The following RIMS1 variants were observed in gnomAD, a reference collection of about 807,000 sequenced individuals.
The protein encoded by RIMS1 is regulating synaptic membrane exocytosis protein 1.
RIMS1 carries 83 observed loss-of-function variants against 214.1 expected under a neutral mutation model. The observed-to-expected ratio is 0.39, with a 90% CI of 0.32 to 0.47. RIMS1 has a LOEUF of 0.47. RIMS1 is among the 20% of genes least tolerant of loss of function. The pLI, the probability that RIMS1 is intolerant of heterozygous loss-of-function variation, is 0.99. For synonymous variants in RIMS1, 793 were observed against 786.8 expected, an observed-to-expected ratio of 1.01 and a Z score of -0.13; for missense variants, 2,050 against 2,161.8, an observed-to-expected ratio of 0.95 and a Z score of 1.03.
intron 2 of RIMS1, among the ~76,000 whole-genome samples, chr6:71,997,641 T>A (rs1803866145): frequency 6.6e-6 from 1 of 152,162 alleles, no homozygotes; most frequent in South Asian, 2.1e-4. Context: ...GCAAGTTAGA[T>A]GCGTGTTCTA....
At chr6:72,078,096 A>G (rs1449706191) in intron 2 of RIMS1, among the ~76,000 whole-genome samples, 5 of 152,216 alleles carry the variant, frequency 3.3e-5, no homozygotes, top group Non-Finnish European at 7.3e-5. Context: ...TAAAAACTAT[A>G]ATAATCCATG....
chr6:71,916,932 A>G (rs1778604060), intron 1 of RIMS1, among the ~76,000 whole-genome samples: 1 of 152,260 alleles, frequency 6.6e-6, no homozygotes, highest in African/African-American at 2.4e-5. Context: ...TACAGTAATG[A>G]CAGCCAATGT....
rs551864301 is a variant in RIMS1 at position 72,303,279 on chromosome 6, G to A, written c.3851-3979G>A. ...TAAGGATTTTTGAGGGTTTTTTAAAGTCATAGGCCTTTTAATAATATGAAA... is the reference window on the plus strand; with the variant it reads ...TAAGGATTTTTGAGGGTTTTTTAAAATCATAGGCCTTTTAATAATATGAAA... On this transcript the variant is annotated intron_variant, in intron 26 of 33. Coordinates refer to ENST00000521978, the MANE Select transcript of RIMS1 (RefSeq NM_014989.7). Among the ~76,000 whole-genome samples the A allele has an allele frequency of 3.1e-4, 46 of 150,754 alleles. No individual in the cohort carries two copies. The South Asian group carries it at 3.1e-3, about 10-fold the overall frequency.
intron 6 of RIMS1, among the ~76,000 whole-genome samples, chr6:72,220,582 T>C (rs1402630230): frequency 6.6e-6 from 1 of 151,998 alleles, no homozygotes; most frequent in Non-Finnish European, 1.5e-5. Context: ...TTGCTCTTGC[T>C]AAAAAAACAA....
At chr6:72,120,061 C>T (rs1392272694) in intron 4 of RIMS1, among the ~76,000 whole-genome samples, 2 of 151,850 alleles carry the variant, frequency 1.3e-5, no homozygotes, top group Non-Finnish European at 2.9e-5. Context: ...CATTGATGGA[C>T]ATTTGGGTCG....
intron 2 of RIMS1, among the ~76,000 whole-genome samples, chr6:72,011,737 C>T (rs1810692072): frequency 1.3e-5 from 2 of 152,178 alleles, no homozygotes; most frequent in Non-Finnish European, 1.5e-5. Context: ...AAATGCTCAC[C>T]ATCACTGACC....
At chr6:71,980,782 G>A (rs1798293290) in intron 2 of RIMS1, among the ~76,000 whole-genome samples, 1 of 152,020 alleles carries the variant, frequency 6.6e-6, no homozygotes, top group Admixed American at 6.6e-5. Flanking sequence ...AGAAAAAATG[G>A]ATGAGAGAGA....
intron 4 of RIMS1, among the ~76,000 whole-genome samples, chr6:72,104,212 C>T (rs957321044): frequency 3.3e-5 from 5 of 152,130 alleles, no homozygotes; most frequent in Non-Finnish European, 7.4e-5. Context: ...GAAAAGACTG[C>T]TTTTTAAGCT....
At chr6:71,957,703 A>G (rs967182879) in intron 1 of RIMS1, among the ~76,000 whole-genome samples, 11 of 150,600 alleles carry the variant, frequency 7.3e-5, no homozygotes, top group Non-Finnish European at 1.2e-4. Context: ...TACAACCCTC[A>G]AGAACACTAA....
intron 4 of RIMS1, among the ~76,000 whole-genome samples, chr6:72,136,715 A>G (rs2153869558): frequency 6.6e-6 from 1 of 152,252 alleles, no homozygotes; most frequent in South Asian, 2.1e-4. Context: ...CTTAACACCA[A>G]AAAAATCTAA....
At chr6:71,932,612 C>T (rs757771900) in intron 1 of RIMS1, among the ~76,000 whole-genome samples, 2 of 152,026 alleles carry the variant, frequency 1.3e-5, no homozygotes, top group African/African-American at 4.8e-5. Context: ...TACACTTGTA[C>T]CCCTGAACTT....
chr6:71,904,972 G>A (rs982932178), intron 1 of RIMS1, among the ~76,000 whole-genome samples: 2 of 152,038 alleles, frequency 1.3e-5, no homozygotes, highest in African/African-American at 2.4e-5. Context: ...CTAATTTTTT[G>A]TAAATAAGAC....
intron 2 of RIMS1, among the ~76,000 whole-genome samples, chr6:71,981,946 T>A (rs946141685): frequency 1.3e-5 from 2 of 151,806 alleles, no homozygotes; most frequent in African/African-American, 4.8e-5. Flanking sequence ...ATTGCTTTTT[T>A]TTTTGGTTTG....
rs2048543339 is a variant in RIMS1, at chr6:72,182,713, G to GGCGGCAGCCAGGGCC, written c.1243_1257dup (p.Ala415_Ala419dup). 2.6e-6 allele frequency: 4 copies of GGCGGCAGCCAGGGCC among 1,514,512 alleles called. No homozygotes were observed. Among genetic ancestry groups the GGCGGCAGCCAGGGCC allele is most frequent in the Non-Finnish European group, 3.5e-6 (4 of 1,136,442 alleles). 93.8% of individuals were successfully genotyped at this position (1,514,512 alleles called of 1,614,324 possible). ...AGGGCAAGGCCGGCAAACGCGCGCCGGCGGCAGCCAGGGCCTCGCCGCCGG... is the reference window on the plus strand; with the variant it reads ...AGGGCAAGGCCGGCAAACGCGCGCCGGCGGCAGCCAGGGCCGCGGCAGCCAGGGCCTCGCCGCCGG... On this transcript the variant is annotated inframe_insertion, in exon 6 of 34. Coordinates refer to ENST00000521978, the MANE Select transcript of RIMS1 (RefSeq NM_014989.7).
chr6:72,106,237 G>A (rs1193236705), intron 4 of RIMS1, among the ~76,000 whole-genome samples: 4 of 152,016 alleles, frequency 2.6e-5, no homozygotes, highest in African/African-American at 9.7e-5. Context: ...AAATAATTTT[G>A]TGCATTTAAT....
intron 1 of RIMS1, among the ~76,000 whole-genome samples, chr6:71,927,327 G>T (rs1293542656): frequency 6.6e-6 from 1 of 151,980 alleles, no homozygotes; most frequent in Admixed American, 6.6e-5. Flanking sequence ...TTCTTACTTG[G>T]TACTGCACAA....
At chr6:72,257,077 C>G (rs2076165918) in intron 16 of RIMS1, among the ~76,000 whole-genome samples, 1 of 151,852 alleles carries the variant, frequency 6.6e-6, no homozygotes, top group Non-Finnish European at 1.5e-5. Flanking sequence ...CATGATGTTT[C>G]ATAACATATT....
chr6:72,030,931 A>C (rs1253844458), intron 2 of RIMS1, among the ~76,000 whole-genome samples: 2 of 152,150 alleles, frequency 1.3e-5, no homozygotes, highest in Non-Finnish European at 2.9e-5. Flanking sequence ...AGGAATTGAA[A>C]CATACTTTCT....
intron 17 of RIMS1, 115 bp downstream of exon 17, chr6:72,258,396 A>T (rs2076741185): frequency 1.7e-6 from 2 of 1,189,712 alleles, no homozygotes; most frequent in Admixed American, 5.8e-5. Flanking sequence ...TATTTTTTTC[A>T]GAATTAATTG....
Sources: gnomAD v4.1 joint callset for allele counts (sites outside exome capture counted in the v4.1 genomes callset) on GRCh38, gnomAD v4.1.1 for gene constraint, MANE v1.5 for transcripts, NCBI Gene and HGNC (gene_info 2026-07-23, HGNC 2026-07-21) for gene names.